Variants in KCNIP4 observed in about 807,000 individuals in gnomAD.
KCNIP4 encodes the protein Kv channel-interacting protein 4.
Under a neutral mutation model 34.0 loss-of-function variants are expected in KCNIP4, and 12 were observed. That is an observed-to-expected ratio of 0.35 (90% CI 0.23 to 0.57). KCNIP4 has a LOEUF of 0.57. KCNIP4 is among the 20% of genes least tolerant of loss of function. The pLI is 0.83. For synonymous variants in KCNIP4, 124 were observed against 102.2 expected (o/e 1.21, Z -1.29); for missense variants, 238 against 311.7 (o/e 0.76, Z 1.78).
chr4:21,682,526 T>C (rs1750446734), intron 1 of KCNIP4, among the ~76,000 whole-genome samples: 2 of 152,194 alleles, frequency 1.3e-5, no homozygotes, highest in South Asian at 4.1e-4. Flanking sequence ...ATAGCAATAT[T>C]AATTTCCTAC....
At chr4:21,531,354 T>TCCCTCCCC (rs1560492971) in intron 1 of KCNIP4, among the ~76,000 whole-genome samples, 1 of 50,156 alleles carries the variant, frequency 2.0e-5, no homozygotes, top group South Asian at 7.8e-4. Flanking sequence ...TCCCCCTCCC[T>TCCCTCCCC]CCCTCCCTCC....
chr4:20,798,320 T>C (rs563569974), intron 3 of KCNIP4, among the ~76,000 whole-genome samples: 3 of 152,320 alleles, frequency 2.0e-5, no homozygotes, highest in South Asian at 2.1e-4. Context: ...GTGGCTCATA[T>C]AGAAAGCTTG....
chr4:21,604,984 T>A lies in KCNIP4; in HGVS notation c.61+343587A>T, dbSNP rs149017275. ...GACAGTTAGTCTAGTGAAAGTGTTG[T>A]TCCTCTGGCATTTTCTGAACTTTAA... is the stretch of plus-strand genomic sequence containing the variant. On this transcript the variant is annotated intron_variant, in intron 1 of 8. Coordinates refer to ENST00000382152, the MANE Select transcript of KCNIP4 (RefSeq NM_025221.6). Among the ~76,000 whole-genome samples the A allele has an allele frequency of 3.0e-3, 458 of 152,326 alleles. 3 individuals are homozygous for A. The highest frequency in any genetic ancestry group is 0.011 in the African/African-American group (438 of 41,570).
intron 1 of KCNIP4, among the ~76,000 whole-genome samples, chr4:21,008,815 C>G (rs1410245732): frequency 6.6e-6 from 1 of 151,932 alleles, no homozygotes; most frequent in East Asian, 1.9e-4. Context: ...TGAGCCACCG[C>G]GCCCAGCCGG....
At chr4:20,750,566 C>T (rs1753429937) in intron 4 of KCNIP4, among the ~76,000 whole-genome samples, 1 of 152,140 alleles carries the variant, frequency 6.6e-6, no homozygotes, top group South Asian at 2.1e-4. Flanking sequence ...CTTCCCCTCT[C>T]ATTTTTCCTT....
intron 1 of KCNIP4, among the ~76,000 whole-genome samples, chr4:21,782,423 G>A (rs1719630340): frequency 6.6e-6 from 1 of 152,184 alleles, no homozygotes; most frequent in Non-Finnish European, 1.5e-5. Context: ...GCTGGATGTG[G>A]TGATTCATGC....
intron 1 of KCNIP4, among the ~76,000 whole-genome samples, chr4:21,597,863 T>C (rs1742778156): frequency 6.6e-6 from 1 of 151,794 alleles, no homozygotes; most frequent in African/African-American, 2.4e-5. Flanking sequence ...GTGGTAAATA[T>C]AAAAAGAAAA....
At chr4:21,151,406 A>ATTTTTTT (rs35983306) in intron 1 of KCNIP4, among the ~76,000 whole-genome samples, 6 of 51,272 alleles carry the variant, frequency 1.2e-4, no homozygotes, top group East Asian at 5.8e-4. Context: ...ACAAAAGACA[A>ATTTTTTT]TTTTTTTTTT....
chr4:20,845,558 G>T (rs1720267009), intron 3 of KCNIP4, among the ~76,000 whole-genome samples: 1 of 152,130 alleles, frequency 6.6e-6, no homozygotes, highest in Non-Finnish European at 1.5e-5. Flanking sequence ...AGACAGTCTT[G>T]TTGCTCACAC....
chr4:21,867,642 T>G (rs554569076), intron 1 of KCNIP4, among the ~76,000 whole-genome samples: 98 of 152,262 alleles, frequency 6.4e-4, no homozygotes, highest in African/African-American at 2.3e-3. Flanking sequence ...GAGCATCCCA[T>G]AGCACAAGCC....
At chr4:21,814,177 C>A (rs577199750) in intron 1 of KCNIP4, among the ~76,000 whole-genome samples, 65 of 152,216 alleles carry the variant, frequency 4.3e-4, no homozygotes, top group Non-Finnish European at 7.2e-4. Context: ...CTAATCTAAC[C>A]TTTTCTGATC....
intron 1 of KCNIP4, among the ~76,000 whole-genome samples, chr4:21,916,121 T>G (rs1016341602): frequency 1.3e-5 from 2 of 152,214 alleles, no homozygotes; most frequent in African/African-American, 4.8e-5. Flanking sequence ...ACCAACATAA[T>G]ATCAAGAATG....
In KCNIP4 at chr4:21,065,765, T is replaced by TATATATAA. The variant is rs1491302260; in HGVS notation, c.62-183057_62-183056insTTATATAT. Among the ~76,000 whole-genome samples, 156 of 114,790 alleles carry TATATATAA rather than the reference T, an allele frequency of 1.4e-3. 1 individual carries two copies. Among genetic ancestry groups the TATATATAA allele is most frequent in the African/African-American group, 4.7e-3 (149 of 31,792 alleles). The allele number at this position is 114,790 out of a possible 152,430, so 75.3% of individuals were successfully genotyped here. A position where few individuals can be genotyped will look rare whatever the true frequency, so the allele number is the denominator to read the frequency against. On this transcript the variant is annotated intron_variant, in intron 1 of 8. Coordinates refer to ENST00000382152, the MANE Select transcript of KCNIP4 (RefSeq NM_025221.6). ...ATATATATATATATATATATATATA[T>TATATATAA]AACTCAATTTTATTTTAAAAAATAG...
At chr4:20,850,913 T>A in intron 2 of KCNIP4, 1 of 335,100 alleles carries the variant, frequency 3.0e-6, no homozygotes, top group African/African-American at 2.0e-5. Flanking sequence ...AGCATTGTTT[T>A]AAGACAACAA....
chr4:21,311,014 T>G (rs2109272973), intron 1 of KCNIP4, among the ~76,000 whole-genome samples: 1 of 152,300 alleles, frequency 6.6e-6, no homozygotes, highest in Non-Finnish European at 1.5e-5. Context: ...AAGAGTATGC[T>G]TGGGTTTAAA....
chr4:21,444,737 A>G (rs1412618186), intron 1 of KCNIP4, among the ~76,000 whole-genome samples: 4 of 152,176 alleles, frequency 2.6e-5, no homozygotes, highest in Admixed American at 1.3e-4. Context: ...GCCCTCTCTC[A>G]CCACTCCTAT....
intron 1 of KCNIP4, among the ~76,000 whole-genome samples, chr4:21,379,844 T>C (rs534639086): frequency 2.0e-4 from 31 of 152,270 alleles, no homozygotes; most frequent in Middle Eastern, 6.8e-3. Context: ...ATGCTTCTTA[T>C]TGTAATTATG....
chr4:21,885,201 A>T (rs1726696637), intron 1 of KCNIP4, among the ~76,000 whole-genome samples: 1 of 152,162 alleles, frequency 6.6e-6, no homozygotes, highest in Non-Finnish European at 1.5e-5. Flanking sequence ...ACAGAGGCTG[A>T]GGAAGAAATA....
intron 1 of KCNIP4, among the ~76,000 whole-genome samples, chr4:21,740,795 A>C (rs2109127818): frequency 6.6e-6 from 1 of 152,336 alleles, no homozygotes; most frequent in Non-Finnish European, 1.5e-5. Context: ...TAAATGCTAC[A>C]TAGCTACTCT....
Sources: gnomAD v4.1 joint callset for allele counts (sites outside exome capture counted in the v4.1 genomes callset) on GRCh38, gnomAD v4.1.1 for gene constraint, MANE v1.5 for transcripts, NCBI Gene and HGNC (gene_info 2026-07-23, HGNC 2026-07-21) for gene names.